ABTB3: variants seen among roughly 807,000 people sequenced by gnomAD.
ABTB3 encodes the protein ankyrin repeat and BTB domain containing 3.
chr12:107,323,583 A>C, the ABTB3 span, among the ~76,000 whole-genome samples: 2 of 152,114 alleles, frequency 1.3e-5, no homozygotes, highest in South Asian at 4.1e-4. Flanking sequence ...GTTTCTGTGG[A>C]GTTTTAAAAA....
At chr12:107,621,014 C>A in the ABTB3 span, among the ~76,000 whole-genome samples, 1 of 152,070 alleles carries the variant, frequency 6.6e-6, no homozygotes, top group Non-Finnish European at 1.5e-5. Flanking sequence ...AGTGTGGGTC[C>A]CCCTGCCGGG....
the ABTB3 span, among the ~76,000 whole-genome samples, chr12:107,393,548 T>C: frequency 1.3e-5 from 2 of 152,130 alleles, no homozygotes; most frequent in African/African-American, 4.8e-5. Context: ...GTGATGTCAC[T>C]CTATCTTCAC....
At chr12:107,355,912 A>G in the ABTB3 span, among the ~76,000 whole-genome samples, 6 of 152,230 alleles carry the variant, frequency 3.9e-5, no homozygotes, top group African/African-American at 1.4e-4. Context: ...TAACACCTTC[A>G]TAAGTCACTT....
chr12:107,338,022 T>C, the ABTB3 span, among the ~76,000 whole-genome samples: 1 of 152,178 alleles, frequency 6.6e-6, no homozygotes, highest in Non-Finnish European at 1.5e-5. Context: ...CCACTGTCAG[T>C]TTCTAACCTG....
chr12:107,519,350 T>A, the ABTB3 span, among the ~76,000 whole-genome samples: 2 of 142,660 alleles, frequency 1.4e-5, no homozygotes, highest in South Asian at 4.4e-4. Flanking sequence ...TTTTTGACAG[T>A]CTTGCTCTGT....
the ABTB3 span, among the ~76,000 whole-genome samples, chr12:107,360,882 T>G: frequency 6.6e-6 from 1 of 151,326 alleles, no homozygotes; most frequent in Admixed American, 6.6e-5. Flanking sequence ...GCCTCCTGAG[T>G]AGCTGGGACT....
chr12:107,642,195 C>T, the ABTB3 span: 1 of 1,608,544 alleles, frequency 6.2e-7, no homozygotes, highest in South Asian at 1.1e-5. Context: ...GTGGCCTGGC[C>T]TCTGTGCTGG....
At chr12:107,473,746 T>C in the ABTB3 span, among the ~76,000 whole-genome samples, 1 of 152,132 alleles carries the variant, frequency 6.6e-6, no homozygotes, top group Non-Finnish European at 1.5e-5. Context: ...TTATTGCACT[T>C]GGTGAAGAAG....
At chr12:107,466,751 G>C in the ABTB3 span, among the ~76,000 whole-genome samples, 1 of 152,098 alleles carries the variant, frequency 6.6e-6, no homozygotes. Context: ...GGTGTTTCTG[G>C]AGAGTTTAAT....
chr12:107,444,239 A>G, the ABTB3 span, among the ~76,000 whole-genome samples: 1 of 152,204 alleles, frequency 6.6e-6, no homozygotes, highest in Non-Finnish European at 1.5e-5. Flanking sequence ...TTCACTCTTC[A>G]CTTTCTACAG....
the ABTB3 span, among the ~76,000 whole-genome samples, chr12:107,557,543 G>T: frequency 5.9e-5 from 9 of 151,874 alleles, no homozygotes; most frequent in African/African-American, 1.9e-4. Flanking sequence ...TTTTTTTCAT[G>T]GTTGATTCTA....
the ABTB3 span, among the ~76,000 whole-genome samples, chr12:107,473,391 T>C: frequency 6.6e-6 from 1 of 152,164 alleles, no homozygotes; most frequent in Non-Finnish European, 1.5e-5. Flanking sequence ...TCTTGCTCTG[T>C]TGCTCAGGCT....
chr12:107,610,810 G>T, the ABTB3 span, among the ~76,000 whole-genome samples: 3 of 152,144 alleles, frequency 2.0e-5, no homozygotes, highest in Admixed American at 1.3e-4. Context: ...CCTAGGAGGC[G>T]ACTCAGAGAT....
At chr12:107,345,524 T>C in the ABTB3 span, among the ~76,000 whole-genome samples, 7 of 151,764 alleles carry the variant, frequency 4.6e-5, no homozygotes, top group African/African-American at 1.7e-4. Context: ...TATTGGTTCA[T>C]GTACAAGAGA....
the ABTB3 span, among the ~76,000 whole-genome samples, chr12:107,454,834 A>G: frequency 2.4e-4 from 36 of 152,304 alleles, no homozygotes; most frequent in Admixed American, 2.0e-3. Flanking sequence ...GTTACTTTAT[A>G]TTATAGAAAA....
chr12:107,573,464 C>CGATG, the ABTB3 span, among the ~76,000 whole-genome samples: 5,784 of 139,550 alleles, frequency 0.041, 126 homozygotes, highest in Middle Eastern at 0.054. Flanking sequence ...GTGGATGAAT[C>CGATG]GATGGATGGA....
chr12:107,560,415 C>T, the ABTB3 span, among the ~76,000 whole-genome samples: 2 of 152,292 alleles, frequency 1.3e-5, no homozygotes, highest in East Asian at 1.9e-4. Flanking sequence ...ACCCCAATCC[C>T]AGCTGTTGCT....
the ABTB3 span, among the ~76,000 whole-genome samples, chr12:107,561,265 C>T: frequency 6.6e-6 from 1 of 152,096 alleles, no homozygotes; most frequent in South Asian, 2.1e-4. Flanking sequence ...AGAAAGGAAA[C>T]TAGTAAAAGG....
chr12:107,524,718 A>C, the ABTB3 span, among the ~76,000 whole-genome samples: 3 of 152,228 alleles, frequency 2.0e-5, no homozygotes, highest in African/African-American at 7.2e-5. Context: ...ATTGAATCCA[A>C]GCTTCTCAAG....
Sources: allele counts gnomAD v4.1 joint callset (sites outside exome capture counted in the v4.1 genomes callset), GRCh38; gene constraint gnomAD v4.1.1; transcripts MANE v1.5; gene names NCBI Gene and HGNC (gene_info 2026-07-23, HGNC 2026-07-21).